Variants in ZNF678 observed in about 807,000 individuals in gnomAD.
The protein encoded by ZNF678 is hypothetical protein MGC42493.
ZNF678 carries 5 observed loss-of-function variants against 3.0 expected under a neutral mutation model. That is an observed-to-expected ratio of 1.69 (90% CI 0.88 to 3.56). The LOEUF (loss-of-function observed/expected upper bound fraction) is 3.56, where lower values mean the gene tolerates loss of function less well. ZNF678 is among the 30% of genes most tolerant of loss of function. The probability of loss-of-function intolerance (pLI) is 0.00; values close to 1 mark genes in which losing one functional copy is unlikely to be tolerated. For synonymous variants in ZNF678, 218 were observed against 199.6 expected, an observed-to-expected ratio of 1.09 and a Z score of -0.78; for missense variants, 593 against 605.0, an observed-to-expected ratio of 0.98 and a Z score of 0.21.
intron 5 of ZNF678, among the ~76,000 whole-genome samples, chr1:227,671,141 A>T (rs1441320663): frequency 3.5e-5 from 5 of 143,994 alleles, no homozygotes. Flanking sequence ...CGGTGGTGCC[A>T]TCATAGTTCA....
chr1:227,600,230 T>C (rs1285513973), intron 1 of ZNF678, among the ~76,000 whole-genome samples: 3 of 152,252 alleles, frequency 2.0e-5, no homozygotes, highest in Non-Finnish European at 2.9e-5. Context: ...TTTAGGTTGA[T>C]TCTATGTCTT....
At chr1:227,567,767 A>AT (rs940533173) in intron 1 of ZNF678, among the ~76,000 whole-genome samples, 5 of 135,334 alleles carry the variant, frequency 3.7e-5, no homozygotes, top group African/African-American at 5.6e-5. Context: ...AGTTTGGGTG[A>AT]TTTTTTTAAA....
chr1:227,636,372 C>A (rs2102786399), intron 1 of ZNF678, among the ~76,000 whole-genome samples: 1 of 152,332 alleles, frequency 6.6e-6, no homozygotes, highest in South Asian at 2.1e-4. Context: ...CCACCCTCTT[C>A]TTCTAATAAG....
intron 5 of ZNF678, among the ~76,000 whole-genome samples, chr1:227,676,948 T>A (rs903749657): frequency 7.2e-5 from 11 of 152,168 alleles, no homozygotes; most frequent in Non-Finnish European, 1.3e-4. Context: ...TGGTTCCAAG[T>A]CTTTGCTATT....
intron 5 of ZNF678, among the ~76,000 whole-genome samples, chr1:227,667,791 CA>C (rs2102818958): frequency 6.6e-6 from 1 of 152,242 alleles, no homozygotes; most frequent in East Asian, 1.9e-4. Flanking sequence ...ACTTATTTAT[CA>C]GGCTCCTAAT....
chr1:227,678,113 C>T (rs1415047026), downstream of ZNF678, among the ~76,000 whole-genome samples: 1 of 152,116 alleles, frequency 6.6e-6, no homozygotes, highest in Non-Finnish European at 1.5e-5. Context: ...CAAATAATGA[C>T]CCTAAAAGGG....
rs1424812684 is a variant in ZNF678, at chr1:227,656,462, A to G, written c.*634A>G. ...AATATTGATATAATTCATATCTCAA[A>G]TAACTTGATTTTTATTATATTTATT... On this transcript the variant is annotated 3_prime_UTR_variant, in exon 4 of 4. Transcript: ENST00000343776. The G allele has an allele frequency of 1.3e-5, 2 of 151,786 alleles. No homozygotes were observed. The highest frequency in any genetic ancestry group is 4.8e-5 in the African/African-American group (2 of 41,416). The allele number at this position is 151,786 out of a possible 1,614,324, so 9.4% of individuals were successfully genotyped here.
downstream of ZNF678, among the ~76,000 whole-genome samples, chr1:227,664,890 T>C (rs903065858): frequency 3.3e-4 from 50 of 152,178 alleles, no homozygotes; most frequent in Admixed American, 3.1e-3. Context: ...TACACAGTTA[T>C]GCAAGCACAG....
intron 1 of ZNF678, among the ~76,000 whole-genome samples, chr1:227,613,895 C>G (rs1299321995): frequency 6.6e-6 from 1 of 152,138 alleles, no homozygotes; most frequent in African/African-American, 2.4e-5. Context: ...CAATTCTACC[C>G]AAAACAATTG....
rs1659386575 is a variant in ZNF678 at position 227,660,858 on chromosome 1, T to G, written c.*5030T>G. 1 of 152,210 alleles carries G rather than the reference T, an allele frequency of 6.6e-6. No individual in the cohort carries two copies. The highest frequency in any genetic ancestry group is 2.4e-5 in the African/African-American group (1 of 41,446). The allele number at this position is 152,210 out of a possible 1,614,324, so 9.4% of individuals were successfully genotyped here. On this transcript the variant is annotated 3_prime_UTR_variant, in exon 4 of 4. Coordinates refer to ENST00000343776, the MANE Select transcript of ZNF678 (RefSeq NM_001367909.1). ...TCCATTTGTCATATATGGCCTTTATTGGCTTGAGGTATGTATGTTCTATAT... is the reference window on the plus strand; with the variant it reads ...TCCATTTGTCATATATGGCCTTTATGGGCTTGAGGTATGTATGTTCTATAT...
chr1:227,636,278 T>A (rs1449287548), intron 1 of ZNF678, among the ~76,000 whole-genome samples: 2 of 152,200 alleles, frequency 1.3e-5, no homozygotes, highest in Non-Finnish European at 2.9e-5. Context: ...ACTTTTCTGA[T>A]GTTTGAAGCG....
intron 1 of ZNF678, among the ~76,000 whole-genome samples, chr1:227,590,277 A>T (rs1308315206): frequency 6.6e-6 from 1 of 151,760 alleles, no homozygotes; most frequent in Non-Finnish European, 1.5e-5. Context: ...GCCCCTGATC[A>T]TCTATGTGCA....
downstream of ZNF678, among the ~76,000 whole-genome samples, chr1:227,666,594 G>T (rs1659506625): frequency 6.6e-6 from 1 of 152,158 alleles, no homozygotes; most frequent in South Asian, 2.1e-4. Flanking sequence ...CTCAGTGACA[G>T]ATATGTGCCC....
chr1:227,675,664 A>G (rs994670368), intron 5 of ZNF678, among the ~76,000 whole-genome samples: 30 of 152,188 alleles, frequency 2.0e-4, no homozygotes, highest in African/African-American at 7.2e-4. Flanking sequence ...CTTTAAAATT[A>G]TACATATAGT....
downstream of ZNF678, among the ~76,000 whole-genome samples, chr1:227,679,218 A>T (rs149393375): frequency 5.0e-3 from 758 of 152,294 alleles, 19 homozygotes; most frequent in South Asian, 0.057. Flanking sequence ...AATAGAAAAA[A>T]TAGAAAAGGG....
intron 1 of ZNF678, among the ~76,000 whole-genome samples, chr1:227,641,296 C>T (rs761167126): frequency 6.6e-6 from 1 of 152,176 alleles, no homozygotes; most frequent in Non-Finnish European, 1.5e-5. Context: ...GAGCAACATG[C>T]TGTTTTAATG....
chr1:227,666,586 C>T (rs1405236096), downstream of ZNF678, among the ~76,000 whole-genome samples: 3 of 152,108 alleles, frequency 2.0e-5, no homozygotes, highest in Non-Finnish European at 4.4e-5. Context: ...TTCTTATGCT[C>T]AGTGACAGAT....
At chr1:227,612,532 C>A (rs1658045452) in intron 1 of ZNF678, among the ~76,000 whole-genome samples, 1 of 152,152 alleles carries the variant, frequency 6.6e-6, no homozygotes. Context: ...GATCCTGCCT[C>A]TCAATATGAC....
chr1:227,619,800 T>A (rs1358699852), intron 1 of ZNF678, among the ~76,000 whole-genome samples: 4 of 152,152 alleles, frequency 2.6e-5, no homozygotes, highest in African/African-American at 9.7e-5. Context: ...TTTTTTGAAT[T>A]TTTGCAATCA....
Sources: allele counts gnomAD v4.1 joint callset (sites outside exome capture counted in the v4.1 genomes callset), GRCh38; gene constraint gnomAD v4.1.1; transcripts MANE v1.5; gene names NCBI Gene and HGNC (gene_info 2026-07-23, HGNC 2026-07-21).